PCDHA7: variants seen among roughly 807,000 people sequenced by gnomAD.
PCDHA7 encodes protocadherin alpha-7.
Under a neutral mutation model 57.2 loss-of-function variants are expected in PCDHA7, and 37 were observed. The observed-to-expected ratio is 0.65, with a 90% CI of 0.50 to 0.85. The LOEUF (loss-of-function observed/expected upper bound fraction) is 0.85, where lower values mean the gene tolerates loss of function less well. PCDHA7 is among the 40% of genes least tolerant of loss of function. PCDHA7 has a pLI of 0.00. For missense variants in PCDHA7, 1,188 were observed against 1,241.8 expected (o/e 0.96, Z 0.65); for synonymous variants, 553 against 558.8 (o/e 0.99, Z 0.15).
intron 1 of PCDHA7, among the ~76,000 whole-genome samples, chr5:140,969,974 A>G (rs11750201): frequency 0.017 from 2,514 of 152,228 alleles, 25 homozygotes; most frequent in Middle Eastern, 0.037. Flanking sequence ...TGATGTGGCA[A>G]CTCTTCTGTA....
intron 1 of PCDHA7, chr5:140,926,715 G>C (rs114961630): frequency 2.1e-6 from 2 of 952,238 alleles, no homozygotes; most frequent in Non-Finnish European, 1.4e-6. Flanking sequence ...GGCCAGCCCC[G>C]GCAATGCCGG....
chr5:140,835,793 G>T lies in PCDHA7; in HGVS notation c.1410G>T (p.Pro470=). ...TGTTCGTGAAGGAGAACAACCCGCC[G>T]GGCTGCCACATCTTCACTGTGTCGG... The part of the protein sequence containing the change: ...YTVFVKENNP[P]GCHIFTVSAG... Residue 470 remains proline, a synonymous_variant, in exon 1 of 4, where the codon CCG becomes CCT. Transcript: ENST00000525929. 6.2e-7 allele frequency: 1 copy of T among 1,613,102 alleles called. No individual in the cohort carries two copies. The highest frequency in any genetic ancestry group is 8.5e-7 in the Non-Finnish European group (1 of 1,179,754).
At chr5:140,897,915 T>C (rs2066399470) in intron 1 of PCDHA7, among the ~76,000 whole-genome samples, 1 of 152,246 alleles carries the variant, frequency 6.6e-6, no homozygotes. Context: ...ATTGTGGTTT[T>C]GATTTGCGTT....
chr5:140,873,548 T>C lies in PCDHA7; in HGVS notation c.2355+36810T>C, dbSNP rs1434309989. ...GCATTCTATGGTATAAAATTATAAT[T>C]TCAATTTATTTTCTAGTTTGGTTGT... On this transcript the variant is annotated intron_variant, in intron 1 of 3. Coordinates refer to ENST00000525929, the MANE Select transcript of PCDHA7 (RefSeq NM_018910.3). Among the ~76,000 whole-genome samples, 5 of 151,990 alleles carry C rather than the reference T, an allele frequency of 3.3e-5. No individual in the cohort carries two copies. In the East Asian group the frequency reaches 7.7e-4, roughly 23 times the overall value.
intron 1 of PCDHA7, chr5:140,877,006 G>A: frequency 6.2e-7 from 1 of 1,612,484 alleles, no homozygotes; most frequent in Non-Finnish European, 8.5e-7. Flanking sequence ...GTCGGTGCAC[G>A]CGGAGAGCGG....
intron 1 of PCDHA7, chr5:140,869,477 A>C: frequency 6.2e-7 from 1 of 1,614,208 alleles, no homozygotes; most frequent in South Asian, 1.1e-5. Context: ...GAGGTGAAGG[A>C]CATTAACGAC....
chr5:140,884,514 C>A (rs368331245), intron 1 of PCDHA7: 13 of 1,614,176 alleles, frequency 8.1e-6, no homozygotes, highest in East Asian at 2.2e-5. Context: ...GGGAGTTGGT[C>A]GTACTCGCAG....
chr5:140,839,004 T>C (rs1554137267), intron 1 of PCDHA7, among the ~76,000 whole-genome samples: 1 of 152,116 alleles, frequency 6.6e-6, no homozygotes, highest in East Asian at 1.9e-4. Context: ...TAATATACTT[T>C]AGTAAATTAT....
rs187442653 is a variant in PCDHA7 at position 140,926,080 on chromosome 5, C to T, written c.2356-52869C>T. ...TCCCCTCCTTGTCGTCTCTATTGCC[C>T]TCTTGGCAGCTCCTGGGATACAAGA... On this transcript the variant is annotated intron_variant, in intron 1 of 3. Transcript: ENST00000525929. Among the ~76,000 whole-genome samples, 179 of 152,334 alleles carry T rather than the reference C, an allele frequency of 1.2e-3. 1 individual carries two copies. Among genetic ancestry groups the T allele is most frequent in the African/African-American group, 3.9e-3 (162 of 41,574 alleles).
At chr5:140,852,799 C>A in intron 1 of PCDHA7, 3 of 976,698 alleles carry the variant, frequency 3.1e-6, no homozygotes, top group Non-Finnish European at 3.7e-6. Context: ...CTACAGATGT[C>A]ATTTGTCTCC....
At chr5:140,861,466 TG>T in intron 1 of PCDHA7, 1 of 493,934 alleles carries the variant, frequency 2.0e-6, no homozygotes, top group Admixed American at 2.1e-5. Flanking sequence ...GAGGTAAATC[TG>T]CAGAATGGCA....
chr5:140,845,771 A>G (rs1034344709), intron 1 of PCDHA7, among the ~76,000 whole-genome samples: 1 of 149,762 alleles, frequency 6.7e-6, no homozygotes, highest in Admixed American at 6.7e-5. Context: ...GTTAATAGTT[A>G]TAAATTATTA....
At chr5:140,885,917 T>G (rs2060772831) in intron 1 of PCDHA7, among the ~76,000 whole-genome samples, 1 of 152,212 alleles carries the variant, frequency 6.6e-6, no homozygotes, top group Non-Finnish European at 1.5e-5. Flanking sequence ...TTATAGATAT[T>G]AACTGTTTAT....
intron 1 of PCDHA7, among the ~76,000 whole-genome samples, chr5:140,951,209 A>C (rs1302279809): frequency 6.6e-6 from 1 of 151,904 alleles, no homozygotes; most frequent in Non-Finnish European, 1.5e-5. Context: ...GTGTCATCTC[A>C]GGTTTGGATT....
intron 1 of PCDHA7, chr5:140,875,266 A>G (rs1262893019): frequency 8.3e-7 from 1 of 1,202,212 alleles, no homozygotes. Flanking sequence ...ATGTCGCTCT[A>G]CACTCAGAAG....
intron 1 of PCDHA7, chr5:140,858,337 C>G (rs782748390): frequency 6.3e-7 from 1 of 1,595,568 alleles, no homozygotes; most frequent in Admixed American, 1.7e-5. Context: ...AGGGCCTGCC[C>G]AAGGCGGACC....
chr5:140,982,943 A>G (rs2097017074), intron 3 of PCDHA7, among the ~76,000 whole-genome samples: 1 of 151,992 alleles, frequency 6.6e-6, no homozygotes, highest in Admixed American at 6.5e-5. Flanking sequence ...CTTTTGGTTG[A>G]AGACTATGGA....
intron 1 of PCDHA7, among the ~76,000 whole-genome samples, chr5:140,918,149 A>G (rs2078550151): frequency 1.3e-5 from 2 of 151,946 alleles, no homozygotes; most frequent in African/African-American, 4.8e-5. Flanking sequence ...CTTTTTGTGT[A>G]TGTCTATTGT....
chr5:140,927,702 C>A lies in PCDHA7; in HGVS notation c.2356-51247C>A, dbSNP rs533775539. ...AAGGGTCCAATGGGGAAGTCCAGTACTCCCTAAGCAACAGCACGCAAGCAG... is the reference window on the plus strand; with the variant it reads ...AAGGGTCCAATGGGGAAGTCCAGTAATCCCTAAGCAACAGCACGCAAGCAG... On this transcript the variant is annotated intron_variant, in intron 1 of 3. Coordinates refer to ENST00000525929, the MANE Select transcript of PCDHA7 (RefSeq NM_018910.3). 6.8e-6 allele frequency: 11 copies of A among 1,614,092 alleles called. 1 individual carries two copies. The South Asian group carries it at 1.2e-4, about 18-fold the overall frequency.
Sources: allele counts gnomAD v4.1 joint callset (sites outside exome capture counted in the v4.1 genomes callset), GRCh38; gene constraint gnomAD v4.1.1; transcripts MANE v1.5; gene names NCBI Gene and HGNC (gene_info 2026-07-23, HGNC 2026-07-21).